Variants in RARS1 observed in about 807,000 individuals in gnomAD.
RARS1 encodes arginyl-tRNA synthetase 1, also known as arginine--tRNA ligase, cytoplasmic.
A neutral mutation model predicts 78.7 loss-of-function variants in RARS1; 75 were observed. The observed-to-expected ratio is 0.95, with a 90% confidence interval of 0.79 to 1.15. RARS1 has a LOEUF of 1.15. Ranked by LOEUF, RARS1 falls within the 50% of genes most tolerant of loss-of-function variation. The pLI is 0.00. For synonymous variants in RARS1, 273 were observed against 268.2 expected, an observed-to-expected ratio of 1.02 and a Z score of -0.18; for missense variants, 787 against 787.5, an observed-to-expected ratio of 1.00 and a Z score of 0.01.
intron 9 of RARS1, 132 bp downstream of exon 9, chr5:168,502,237 A>G: frequency 1.5e-6 from 2 of 1,293,802 alleles, no homozygotes; most frequent in Non-Finnish European, 2.0e-6. Flanking sequence ...GACCAACCTT[A>G]TTGTATCTAT....
chr5:168,495,820 A>AAT (rs935871473), intron 6 of RARS1, among the ~76,000 whole-genome samples: 2 of 152,050 alleles, frequency 1.3e-5, no homozygotes, highest in Non-Finnish European at 2.9e-5. Flanking sequence ...CTGGGAAGCT[A>AAT]TTAGAGAGTT....
chr5:168,488,737 G>T lies in RARS1; in HGVS notation c.180+1G>T. The T allele has an allele frequency of 6.3e-7, 1 of 1,598,090 alleles. No individual in the cohort carries two copies. The highest frequency in any genetic ancestry group is 1.1e-5 in the South Asian group (1 of 87,720). On this transcript the variant is annotated splice_donor_variant, in intron 2 of 14. Transcript: ENST00000231572. LOFTEE classifies it high-confidence loss of function. ...GTATCGACTGAATATTCTTCGAAAGGTGAGTACTTTGGGTTCCAGTTTTAT... is the reference window on the plus strand; with the variant it reads ...GTATCGACTGAATATTCTTCGAAAGTTGAGTACTTTGGGTTCCAGTTTTAT...
chr5:168,487,825 C>T (rs1221930065), intron 1 of RARS1, among the ~76,000 whole-genome samples: 2 of 152,114 alleles, frequency 1.3e-5, no homozygotes, highest in Non-Finnish European at 2.9e-5. Context: ...TAGTCTAGGA[C>T]CTAAGACACT....
At chr5:168,519,044 AAAC>A in intron 14 of RARS1, 34 bp from the exon 15 acceptor site, 25 of 1,549,018 alleles carry the variant, frequency 1.6e-5, no homozygotes, top group Non-Finnish European at 2.2e-5. Context: ...TCAAAAAGGA[AAAC>A]AAGTTAATTA....
At chr5:168,501,425 AT>A (rs146638185) in intron 8 of RARS1, among the ~76,000 whole-genome samples, 19,772 of 152,094 alleles carry the variant, frequency 0.13, 1,716 homozygotes, top group Non-Finnish European at 0.19. Flanking sequence ...TTAAGAATTA[AT>A]TTTTTTAAAA....
At chr5:168,498,006 T>C (rs1048166950) in intron 7 of RARS1, 2 of 152,090 alleles carry the variant, frequency 1.3e-5, no homozygotes, top group African/African-American at 2.4e-5. Flanking sequence ...GGCAAGCCGA[T>C]TGCTTGAGTT....
intron 9 of RARS1, among the ~76,000 whole-genome samples, 173 bp downstream of exon 9, chr5:168,502,278 C>T (rs1473073938): frequency 6.6e-6 from 1 of 150,958 alleles, no homozygotes. Context: ...TCATATAATT[C>T]CATCTATAAT....
At chr5:168,511,862 T>C (rs1264166134) in intron 12 of RARS1, among the ~76,000 whole-genome samples, 3 of 151,978 alleles carry the variant, frequency 2.0e-5, no homozygotes, top group Non-Finnish European at 4.4e-5. Context: ...AGTTCATATG[T>C]TTTTGGTTTT....
chr5:168,518,746 G>C lies in RARS1; in HGVS notation c.1874-335G>C, dbSNP rs986613059. Among the ~76,000 whole-genome samples, 4 of 152,032 alleles carry C rather than the reference G, an allele frequency of 2.6e-5. 1 individual carries two copies. The highest frequency in any genetic ancestry group is 2.6e-4 in the Admixed American group (4 of 15,244). Reference sequence around the variant, plus strand: ...GCCTGAGGACTGAAACTTTATTAGGGAAAAAAATCACCACTGTGATAATGA... The same window carrying C: ...GCCTGAGGACTGAAACTTTATTAGGCAAAAAAATCACCACTGTGATAATGA... On this transcript the variant is annotated intron_variant, in intron 14 of 14. Coordinates refer to ENST00000231572, the MANE Select transcript of RARS1 (RefSeq NM_002887.4).
At chr5:168,516,977 T>G (rs1355783131) in intron 13 of RARS1, 27 bp downstream of exon 13, 1 of 1,596,730 alleles carries the variant, frequency 6.3e-7, no homozygotes, top group South Asian at 1.1e-5. Flanking sequence ...ATTGTTTTAT[T>G]GTGAATCAAA....
chr5:168,510,468 A>T (rs1330864068), intron 11 of RARS1, 113 bp from the exon 12 acceptor site: 4 of 763,246 alleles, frequency 5.2e-6, no homozygotes, highest in Non-Finnish European at 6.6e-6. Flanking sequence ...TACCTTAGAG[A>T]TTTAAAACAT....
intron 12 of RARS1, 33 bp downstream of exon 12, chr5:168,510,719 C>A: frequency 6.8e-7 from 1 of 1,468,728 alleles, no homozygotes; most frequent in Non-Finnish European, 9.3e-7. Context: ...TAATGTGTAT[C>A]AAGCATTGTG....
At chr5:168,511,326 T>C (rs191407946) in intron 12 of RARS1, among the ~76,000 whole-genome samples, 150 of 152,150 alleles carry the variant, frequency 9.9e-4, no homozygotes, top group Non-Finnish European at 1.8e-3. Flanking sequence ...CCAACATCAG[T>C]TGGCTTCTGG....
At chr5:168,497,547 C>T (rs916557866) in intron 7 of RARS1, among the ~76,000 whole-genome samples, 199 bp downstream of exon 7, 6 of 151,724 alleles carry the variant, frequency 4.0e-5, no homozygotes, top group Non-Finnish European at 8.8e-5. Flanking sequence ...TTTATAAAGA[C>T]GTTTAATTAC....
At chr5:168,496,829 A>G (rs1286752145) in intron 6 of RARS1, among the ~76,000 whole-genome samples, 2 of 152,210 alleles carry the variant, frequency 1.3e-5, no homozygotes, top group Non-Finnish European at 2.9e-5. Context: ...TTTGGGAACC[A>G]TTGGTCTAAA....
At chr5:168,492,442 C>A (rs1043504481) in intron 2 of RARS1, among the ~76,000 whole-genome samples, 1 of 152,136 alleles carries the variant, frequency 6.6e-6, no homozygotes, top group Non-Finnish European at 1.5e-5. Flanking sequence ...AAAAGTAAGA[C>A]CTCAGGGCAT....
intron 12 of RARS1, among the ~76,000 whole-genome samples, chr5:168,514,288 A>G (rs1027579828): frequency 2.0e-5 from 3 of 152,166 alleles, no homozygotes; most frequent in African/African-American, 4.8e-5. Context: ...TCTTGGCCCT[A>G]TCTCTTCAAA....
rs653568 is a variant in RARS1, at chr5:168,516,822, G to A, written c.1497G>A (p.Ala499=). 1,046,218 of 1,613,762 alleles carry A rather than the reference G, an allele frequency of 0.65. 346,110 individuals are homozygous for A. Among genetic ancestry groups the A allele is most frequent in the African/African-American group, 0.94 (70,424 of 75,012 alleles). ...EELNAAQTSV[A]YGCIKYADLS... is the part of the protein sequence containing the mutation. Reference sequence around the variant, plus strand: ...TGAATGCTGCTCAGACATCCGTTGCGTATGGCTGCATCAAATATGCTGACC... The same window carrying A: ...TGAATGCTGCTCAGACATCCGTTGCATATGGCTGCATCAAATATGCTGACC... Residue 499 remains alanine, a synonymous_variant, in exon 13 of 15, where the codon GCG becomes GCA. Coordinates refer to ENST00000231572, the MANE Select transcript of RARS1 (RefSeq NM_002887.4).
chr5:168,498,310 A>AT (rs999628972), intron 7 of RARS1, among the ~76,000 whole-genome samples: 4 of 152,186 alleles, frequency 2.6e-5, no homozygotes, highest in Middle Eastern at 3.2e-3. Flanking sequence ...TAATCAATGC[A>AT]TTATAGGACT....
Sources: gnomAD v4.1 joint callset for allele counts (sites outside exome capture counted in the v4.1 genomes callset) on GRCh38, gnomAD v4.1.1 for gene constraint, MANE v1.5 for transcripts, NCBI Gene and HGNC (gene_info 2026-07-23, HGNC 2026-07-21) for gene names.